Variants in CCDC148 observed in about 807,000 individuals in gnomAD.
CCDC148 encodes the protein coiled-coil domain-containing protein 148.
Under a neutral mutation model 85.7 loss-of-function variants are expected in CCDC148, and 89 were observed. The observed-to-expected ratio is 1.04, with a 90% CI of 0.87 to 1.24. The LOEUF (loss-of-function observed/expected upper bound fraction) is 1.24. CCDC148 is among the 50% of genes most tolerant of loss of function. The probability of loss-of-function intolerance (pLI) is 0.00; values close to 1 mark genes in which losing one functional copy is unlikely to be tolerated. For missense variants in CCDC148, 692 were observed against 671.7 expected, an observed-to-expected ratio of 1.03 and a Z score of -0.33; for synonymous variants, 230 against 213.9, an observed-to-expected ratio of 1.08 and a Z score of -0.66.
rs759817875 is a variant in CCDC148 at position 158,350,863 on chromosome 2, G to C, written c.148-5545C>G. On this transcript the variant is annotated intron_variant, in intron 2 of 13. Coordinates refer to ENST00000283233, the MANE Select transcript of CCDC148 (RefSeq NM_138803.4). ...AATCAGGGTATTTTGCACGGCCATC[G>C]TCGTGTGCATTTATCATTTCTTTGT... 1.3e-5 allele frequency among the ~76,000 whole-genome samples: 2 copies of C among 151,976 alleles called. 1 individual carries two copies. The highest frequency in any genetic ancestry group is 6.3e-3 in the Middle Eastern group (2 of 316).
chr2:158,323,966 T>C (rs1486917563), intron 7 of CCDC148, among the ~76,000 whole-genome samples: 1 of 140,860 alleles, frequency 7.1e-6, no homozygotes, highest in Non-Finnish European at 1.5e-5. Context: ...TCTTACCCTG[T>C]TGCCCAGACT....
chr2:158,225,606 T>C (rs1197832121), intron 10 of CCDC148, among the ~76,000 whole-genome samples: 3 of 152,230 alleles, frequency 2.0e-5, no homozygotes, highest in African/African-American at 4.8e-5. Context: ...ACAAACTGTC[T>C]GTCAGACCAC....
intron 1 of CCDC148, among the ~76,000 whole-genome samples, chr2:158,360,231 G>A (rs921522226): frequency 1.3e-5 from 2 of 152,166 alleles, no homozygotes; most frequent in South Asian, 2.1e-4. Flanking sequence ...TTGGAGGAAG[G>A]GGCAGCTGTG....
chr2:158,287,690 T>G (rs1439131163), intron 9 of CCDC148, among the ~76,000 whole-genome samples: 1 of 152,184 alleles, frequency 6.6e-6, no homozygotes, highest in Admixed American at 6.5e-5. Flanking sequence ...ACAGCCTCCT[T>G]CCGGCTGCTT....
chr2:158,350,152 G>C lies in CCDC148; in HGVS notation c.148-4834C>G, dbSNP rs111663126. Among the ~76,000 whole-genome samples the C allele has an allele frequency of 4.3e-4, 66 of 152,266 alleles. 1 individual carries two copies. The highest frequency in any genetic ancestry group is 1.5e-3 in the African/African-American group (62 of 41,570). On this transcript the variant is annotated intron_variant, in intron 2 of 13. Coordinates refer to ENST00000283233, the MANE Select transcript of CCDC148 (RefSeq NM_138803.4). Reference sequence around the variant, plus strand: ...ATATGTAAATACAGAGACCACAGTAGCCATCTAGCAGCTAACAGTGCTGAG... The same window carrying C: ...ATATGTAAATACAGAGACCACAGTACCCATCTAGCAGCTAACAGTGCTGAG...
chr2:158,435,867 A>G (rs988575491), intron 1 of CCDC148, among the ~76,000 whole-genome samples: 3 of 152,242 alleles, frequency 2.0e-5, no homozygotes, highest in Non-Finnish European at 4.4e-5. Flanking sequence ...ACAAAGATCA[A>G]AAGAGACAAA....
intron 11 of CCDC148, among the ~76,000 whole-genome samples, chr2:158,190,534 A>T (rs1685373956): frequency 6.6e-6 from 1 of 152,040 alleles, no homozygotes; most frequent in East Asian, 1.9e-4. Context: ...CCATCATATG[A>T]ACTCACTAAC....
intron 9 of CCDC148, among the ~76,000 whole-genome samples, chr2:158,270,002 T>C (rs1183748747): frequency 1.3e-5 from 2 of 152,136 alleles, no homozygotes; most frequent in Non-Finnish European, 2.9e-5. Context: ...ATTTTTTCCT[T>C]CTTTGGTGAG....
chr2:158,351,773 G>C (rs913715673), intron 2 of CCDC148, among the ~76,000 whole-genome samples: 1 of 152,044 alleles, frequency 6.6e-6, no homozygotes, highest in Non-Finnish European at 1.5e-5. Flanking sequence ...TCTGGGGGCA[G>C]AGCACAGACA....
At chr2:158,241,433 T>C (rs1688346765) in intron 10 of CCDC148, among the ~76,000 whole-genome samples, 1 of 152,144 alleles carries the variant, frequency 6.6e-6, no homozygotes, top group Admixed American at 6.6e-5. Flanking sequence ...TATATCAGTT[T>C]GTGGCCGAGC....
chr2:158,394,995 A>G (rs1685464463), intron 1 of CCDC148, among the ~76,000 whole-genome samples: 1 of 152,110 alleles, frequency 6.6e-6, no homozygotes, highest in Admixed American at 6.6e-5. Context: ...TTTTCTCTTT[A>G]ATTATTGACA....
chr2:158,425,006 A>G (rs895552380), intron 1 of CCDC148: 2 of 389,946 alleles, frequency 5.1e-6, no homozygotes, highest in Non-Finnish European at 1.0e-5. Flanking sequence ...CACCAAAACA[A>G]AAAGGAAGAA....
chr2:158,336,005 T>C (rs1425900930), intron 7 of CCDC148, among the ~76,000 whole-genome samples: 7 of 152,174 alleles, frequency 4.6e-5, no homozygotes, highest in Non-Finnish European at 4.4e-5. Context: ...GAAAACCTTT[T>C]ATAATTAAAC....
At chr2:158,281,408 G>T (rs1400547496) in intron 9 of CCDC148, among the ~76,000 whole-genome samples, 4 of 151,896 alleles carry the variant, frequency 2.6e-5, no homozygotes, top group African/African-American at 7.3e-5. Flanking sequence ...AAAGAGAGAA[G>T]AATCAAATAG....
At chr2:158,355,677 G>A (rs1183140774) in intron 2 of CCDC148, among the ~76,000 whole-genome samples, 6 of 130,282 alleles carry the variant, frequency 4.6e-5, no homozygotes, top group South Asian at 2.7e-4. Flanking sequence ...CAGATTCAAT[G>A]CCATCCCCAT....
chr2:158,374,304 A>G (rs921425668), intron 1 of CCDC148, among the ~76,000 whole-genome samples: 3 of 152,028 alleles, frequency 2.0e-5, no homozygotes, highest in African/African-American at 7.2e-5. Flanking sequence ...AGAAACTTGC[A>G]TTTTGTTAGT....
chr2:158,336,721 C>T (rs1682406002), intron 7 of CCDC148, among the ~76,000 whole-genome samples: 1 of 152,064 alleles, frequency 6.6e-6, no homozygotes, highest in African/African-American at 2.4e-5. Flanking sequence ...ACATATCTTG[C>T]CTTCATTGTT....
chr2:158,343,901 TA>T (rs981707641), intron 3 of CCDC148, among the ~76,000 whole-genome samples: 36 of 152,206 alleles, frequency 2.4e-4, no homozygotes, highest in African/African-American at 8.0e-4. Flanking sequence ...TATCATTACT[TA>T]AGTGTTCCTC....
intron 8 of CCDC148, among the ~76,000 whole-genome samples, chr2:158,312,592 A>AAC (rs1692084456): frequency 6.6e-6 from 1 of 150,590 alleles, no homozygotes; most frequent in Admixed American, 6.6e-5. Context: ...AAAAAAAAAA[A>AAC]AAAAACCAAA....
Sources: gnomAD v4.1 joint callset for allele counts (sites outside exome capture counted in the v4.1 genomes callset) on GRCh38, gnomAD v4.1.1 for gene constraint, MANE v1.5 for transcripts, NCBI Gene and HGNC (gene_info 2026-07-23, HGNC 2026-07-21) for gene names.